The following SOX13 variants were observed in gnomAD, a reference collection of about 807,000 sequenced individuals.
SOX13 encodes transcription factor SOX-13.
SOX13 carries 28 observed loss-of-function variants against 71.8 expected under a neutral mutation model. The ratio of observed to expected loss-of-function variants is 0.39; its 90% CI spans 0.29 to 0.53. The LOEUF (loss-of-function observed/expected upper bound fraction) is 0.53, where lower values mean the gene tolerates loss of function less well. SOX13 is among the 20% of genes least tolerant of loss of function. SOX13 has a pLI of 0.70. For synonymous variants in SOX13, 309 were observed against 317.8 expected (o/e 0.97, Z 0.29); for missense variants, 627 against 810.3 (o/e 0.77, Z 2.75).
chr1:204,124,465 T>C (rs1435378348), intron 12 of SOX13, among the ~76,000 whole-genome samples, 176 bp from the exon 13 acceptor site: 1 of 152,252 alleles, frequency 6.6e-6, no homozygotes, highest in Non-Finnish European at 1.5e-5. Context: ...GCCAACTTCA[T>C]TCATTTGCCC....
At chr1:204,113,292 C>T (rs1200585046) in intron 2 of SOX13, among the ~76,000 whole-genome samples, 158 bp downstream of exon 2, 1 of 152,202 alleles carries the variant, frequency 6.6e-6, no homozygotes, top group Non-Finnish European at 1.5e-5. Context: ...GAGGCACTGC[C>T]AAGTTCAGTC....
intron 1 of SOX13, among the ~76,000 whole-genome samples, chr1:204,104,790 A>G (rs993440909): frequency 1.3e-5 from 2 of 152,186 alleles, no homozygotes; most frequent in Admixed American, 1.3e-4. Flanking sequence ...GTCACCCGTC[A>G]TGCTACGATG....
At chr1:204,102,215 T>C (rs1020996691) in intron 1 of SOX13, among the ~76,000 whole-genome samples, 10 of 152,220 alleles carry the variant, frequency 6.6e-5, no homozygotes, top group African/African-American at 2.4e-4. Context: ...AAAGGTGAGA[T>C]TTCATCAGCC....
chr1:204,080,226 G>A (rs4951302), intron 1 of SOX13, among the ~76,000 whole-genome samples: 40,052 of 152,086 alleles, frequency 0.26, 5,909 homozygotes, highest in South Asian at 0.48. Flanking sequence ...TCCCCCCAGC[G>A]GTGGCCTTAG....
At chr1:204,089,132 C>T (rs557157362) in intron 1 of SOX13, among the ~76,000 whole-genome samples, 8 of 146,606 alleles carry the variant, frequency 5.5e-5, no homozygotes, top group East Asian at 2.0e-4. Context: ...TTATTACATC[C>T]GGGTCTCCAG....
At chr1:204,116,251 C>T (rs1379370484) in intron 4 of SOX13, 1 of 1,448,018 alleles carries the variant, frequency 6.9e-7, no homozygotes, top group Non-Finnish European at 9.2e-7. Flanking sequence ...TGACATGTCC[C>T]ACTGTCAGCA....
chr1:204,076,437 G>A (rs185778518), intron 1 of SOX13, among the ~76,000 whole-genome samples: 1 of 152,304 alleles, frequency 6.6e-6, no homozygotes, highest in East Asian at 1.9e-4. Context: ...TTGGGAACCT[G>A]GAATAGCACA....
chr1:204,123,040 C>A lies in SOX13; in HGVS notation c.1135-72C>A. On this transcript the variant is annotated intron_variant, in intron 10 of 13. Coordinates refer to ENST00000367204, the MANE Select transcript of SOX13 (RefSeq NM_005686.3). The surrounding 1 kb of genome is among the most constrained non-coding windows in gnomAD (Gnocchi z 5.0). ...GAGTGGAAGACACAGTCTGAGGCCA[C>A]CAAGAGAGGAGCATGGGGAGGAGTG... 1.3e-6 allele frequency: 2 copies of A among 1,520,622 alleles called. No homozygotes were observed. The highest frequency in any genetic ancestry group is 1.4e-5 in the African/African-American group (1 of 73,250). 94.2% of individuals were successfully genotyped at this position (1,520,622 alleles called of 1,614,324 possible).
intron 1 of SOX13, among the ~76,000 whole-genome samples, chr1:204,091,604 CTG>C (rs1390059375): frequency 6.6e-6 from 1 of 152,194 alleles, no homozygotes; most frequent in Non-Finnish European, 1.5e-5. Flanking sequence ...TTTCCCATCT[CTG>C]TAGCCTTGGG....
Position 204,123,597 on chromosome 1 carries a change from T to C in SOX13, c.1232-64T>C. 6.4e-7 allele frequency: 1 copy of C among 1,560,080 alleles called. No individual in the cohort carries two copies. The stretch of plus-strand genomic sequence containing the variant: ...GGTCAAGTAGGGGACGTCTCTCTGC[T>C]GGCCCTGGGGCACTCTCCTGACCCC... On this transcript the variant is annotated intron_variant, in intron 11 of 13. Transcript: ENST00000367204. This position sits in a 1 kb window ranked among gnomAD's most constrained non-coding sequence, Gnocchi z 5.0.
rs183525612 is a variant in SOX13, at chr1:204,106,711, G to A, written c.-1-6204G>A. The stretch of plus-strand genomic sequence containing the variant: ...CTGGAGTCAGGGTTTCACCATGTTG[G>A]TCAAGCTGGTCTCAAACTCCTGACC... On this transcript the variant is annotated intron_variant, in intron 1 of 13. Coordinates refer to ENST00000367204, the MANE Select transcript of SOX13 (RefSeq NM_005686.3). 2.5e-3 allele frequency among the ~76,000 whole-genome samples: 373 copies of A among 152,124 alleles called. 1 individual carries two copies. Among genetic ancestry groups the A allele is most frequent in the Admixed American group, 5.0e-3 (76 of 15,276 alleles).
intron 1 of SOX13, among the ~76,000 whole-genome samples, chr1:204,109,855 G>C (rs111901033): frequency 2.0e-5 from 3 of 150,874 alleles, no homozygotes; most frequent in South Asian, 2.1e-4. Context: ...TTTTTGAGAC[G>C]GAGTTTCGCT....
chr1:204,110,270 G>C (rs11240669), intron 1 of SOX13, among the ~76,000 whole-genome samples: 1 of 151,540 alleles, frequency 6.6e-6, no homozygotes, highest in Admixed American at 6.6e-5. Flanking sequence ...GAGGACTATA[G>C]GCGCATGCCA....
chr1:204,115,720 G>A (rs923942536), intron 4 of SOX13, among the ~76,000 whole-genome samples: 1 of 140,820 alleles, frequency 7.1e-6, no homozygotes, highest in African/African-American at 2.7e-5. Context: ...AGGCTGGAGC[G>A]TAGTGGTGTG....
chr1:204,097,663 C>G (rs1177700448), intron 1 of SOX13, among the ~76,000 whole-genome samples: 1 of 147,208 alleles, frequency 6.8e-6, no homozygotes, highest in African/African-American at 2.5e-5. Context: ...TGCATTCCAG[C>G]CTGAATGCAA....
At chr1:204,101,881 C>T (rs1441811477) in intron 1 of SOX13, among the ~76,000 whole-genome samples, 1 of 152,182 alleles carries the variant, frequency 6.6e-6, no homozygotes, top group East Asian at 1.9e-4. Flanking sequence ...GTGCCAGGCA[C>T]TGGGCTTTGC....
At chr1:204,092,735 C>T (rs1571572340) in intron 1 of SOX13, among the ~76,000 whole-genome samples, 1 of 152,144 alleles carries the variant, frequency 6.6e-6, no homozygotes, top group East Asian at 1.9e-4. Context: ...GGGGGCTGCT[C>T]CTCCTAGGGT....
chr1:204,119,959 C>T (rs1180099558), intron 7 of SOX13: 1 of 152,210 alleles, frequency 6.6e-6, no homozygotes, highest in Non-Finnish European at 1.5e-5. Flanking sequence ...TGAGCTGTGT[C>T]TGTACCACTG....
At position 204,114,340 on chromosome 1, in the gene SOX13, G is replaced by C. The variant is rs1367697121; in HGVS notation, c.239G>C (p.Gly80Ala). 6.2e-7 allele frequency: 1 copy of C among 1,607,512 alleles called. No homozygotes were observed. The highest frequency in any genetic ancestry group is 2.2e-5 in the East Asian group (1 of 44,738). The change falls in exon 3 of 14, where the codon GGT (glycine) becomes GCT (alanine). Residue 80 changes from glycine to alanine, a missense_variant. By Grantham distance (60) the Gly-to-Ala change is moderately conservative. Transcript: ENST00000367204. ...TTGCAGGACTGTAGCTCTCCAGAGG[G>C]TAATGGGTCCCCAGAACCCAAGAGA... ...RGSWDCSSPE[G>A]NGSPEPKRPG...
Sources: allele counts gnomAD v4.1 joint callset (sites outside exome capture counted in the v4.1 genomes callset), GRCh38; gene constraint gnomAD v4.1.1; non-coding constraint Gnocchi (gnomAD v3.1); transcripts MANE v1.5; gene names NCBI Gene and HGNC (gene_info 2026-07-23, HGNC 2026-07-21).